The following BICD2 variants were observed in gnomAD, a reference collection of about 807,000 sequenced individuals.
The protein encoded by BICD2 is protein bicaudal D homolog 2.
A neutral mutation model predicts 72.9 loss-of-function variants in BICD2; 25 were observed. The ratio of observed to expected loss-of-function variants is 0.34; its 90% CI spans 0.25 to 0.48. The LOEUF is 0.48. Among genes scored for constraint, BICD2 ranks in the 20% least tolerant of loss-of-function variants. The probability of loss-of-function intolerance (pLI) is 0.99; values close to 1 mark genes in which losing one functional copy is unlikely to be tolerated. For synonymous variants in BICD2, 501 were observed against 516.1 expected, an observed-to-expected ratio of 0.97 and a Z score of 0.40; for missense variants, 894 against 1,175.2, an observed-to-expected ratio of 0.76 and a Z score of 3.50.
Position 92,740,872 on chromosome 9 carries a change from A to G in BICD2, c.241-11636T>C, listed in dbSNP as rs1048757486. 7.9e-5 allele frequency among the ~76,000 whole-genome samples: 12 copies of G among 152,284 alleles called. No homozygotes were observed. In the South Asian group the frequency reaches 2.5e-3, roughly 32 times the overall value. The stretch of plus-strand genomic sequence containing the variant: ...GTTCCACCCCACAGCCATTGGCAAG[A>G]TGGGCATCGGCACCAGCAGGCCTGC... On this transcript the variant is annotated intron_variant, in intron 1 of 6. Transcript: ENST00000356884.
rs1486448941 is a variant in BICD2, at chr9:92,720,240, C to T, written c.1062+60G>A. 8.7e-6 allele frequency: 13 copies of T among 1,500,288 alleles called. No individual in the cohort carries two copies. Among genetic ancestry groups the T allele is most frequent in the South Asian group, 2.6e-5 (2 of 78,116 alleles). The allele number at this position is 1,500,288 out of a possible 1,614,324, so 92.9% of individuals were successfully genotyped here. On this transcript the variant is annotated intron_variant, in intron 4 of 6. Transcript: ENST00000356884. This position sits in a 1 kb window ranked among gnomAD's most constrained non-coding sequence, Gnocchi z 5.4. ...AGCAGAGTGTCAGGTAAGCACTGCTCGGGGAGCCCTGCAGACCTGGAGTGG... is the reference window on the plus strand; with the variant it reads ...AGCAGAGTGTCAGGTAAGCACTGCTTGGGGAGCCCTGCAGACCTGGAGTGG...
Position 92,720,839 on chromosome 9 carries a change from C to T in BICD2, c.607-84G>A, listed in dbSNP as rs560982256. 56 of 1,396,846 alleles carry T rather than the reference C, an allele frequency of 4.0e-5. No individual in the cohort carries two copies. The African/African-American group carries it at 7.1e-4, about 18-fold the overall frequency. 86.5% of individuals were successfully genotyped at this position (1,396,846 alleles called of 1,614,324 possible). Reference sequence around the variant, plus strand: ...CATAAATGAAGAAAACACACCAGCACACCAACTCCGGCCACTATGAAGCAA... The same window carrying T: ...CATAAATGAAGAAAACACACCAGCATACCAACTCCGGCCACTATGAAGCAA... On this transcript the variant is annotated intron_variant, in intron 3 of 6. Transcript: ENST00000356884. This position sits in a 1 kb window ranked among gnomAD's most constrained non-coding sequence, Gnocchi z 5.4.
chr9:92,742,045 CTAA>C (rs758170555), intron 1 of BICD2, among the ~76,000 whole-genome samples: 105 of 152,142 alleles, frequency 6.9e-4, no homozygotes, highest in Non-Finnish European at 1.3e-3. Flanking sequence ...TATAAAAATA[CTAA>C]TGAGAAAATT....
intron 1 of BICD2, among the ~76,000 whole-genome samples, chr9:92,763,252 G>T (rs540794241): frequency 6.6e-6 from 1 of 152,284 alleles, no homozygotes; most frequent in African/African-American, 2.4e-5. Context: ...CAGACACGGG[G>T]GAGGCAAGGA....
chr9:92,727,721 G>A (rs138034412), intron 2 of BICD2, among the ~76,000 whole-genome samples: 15 of 152,186 alleles, frequency 9.9e-5, no homozygotes, highest in African/African-American at 3.1e-4. Context: ...CAAGACAGTC[G>A]TCTCAGCCTC....
chr9:92,733,783 C>A (rs1050287528), intron 1 of BICD2, among the ~76,000 whole-genome samples: 1 of 151,616 alleles, frequency 6.6e-6, no homozygotes, highest in Non-Finnish European at 1.5e-5. Flanking sequence ...CTGGCTAACA[C>A]AGTGAAACCC....
In BICD2 at chr9:92,715,309, G is replaced by A; in HGVS notation, c.2413C>T (p.Gln805Ter). 3 of 1,612,890 alleles carry A rather than the reference G, an allele frequency of 1.9e-6. No homozygotes were observed. The highest frequency in any genetic ancestry group is 2.5e-6 in the Non-Finnish European group (3 of 1,179,854). ...GCTTTGGCACGGCCACGCCGGGTCTGCTCATGGTCCAGCTCGAGCAGCTCC... is the reference window on the plus strand; with the variant it reads ...GCTTTGGCACGGCCACGCCGGGTCTACTCATGGTCCAGCTCGAGCAGCTCC... ...RLELLELDHE[Q>*]TRRGRAKAAP... The change falls in exon 7 of 7, where the codon CAG becomes TAG. Residue 805 changes from glutamine to a stop codon, truncating the protein, a stop_gained. Transcript: ENST00000356884. LOFTEE classifies it high-confidence loss of function.
chr9:92,754,274 G>A (rs1195073229), intron 1 of BICD2, among the ~76,000 whole-genome samples: 1 of 152,194 alleles, frequency 6.6e-6, no homozygotes, highest in Non-Finnish European at 1.5e-5. Flanking sequence ...GTAGAAGGTG[G>A]GTGTTCTGAA....
Position 92,764,725 on chromosome 9 carries a change from T to G in BICD2, c.20A>C (p.Glu7Ala). 3 of 1,574,478 alleles carry G rather than the reference T, an allele frequency of 1.9e-6. No individual in the cohort carries two copies. The highest frequency in any genetic ancestry group is 2.6e-6 in the Non-Finnish European group (3 of 1,168,784). Reference sequence around the variant, plus strand: ...CATCACCAGCCGCGCGTACTCCTCCTCCTCCGACGGCGCCGACATGGTGGC... The same window carrying G: ...CATCACCAGCCGCGCGTACTCCTCCGCCTCCGACGGCGCCGACATGGTGGC... MSAPSEEEEYARLVMEA... is the reference protein window; with the variant it reads MSAPSEAEEYARLVMEA... Residue 7 changes from glutamate (E) to alanine (A), a missense_variant, in exon 1 of 7, where the codon GAG (glutamate) becomes GCG (alanine). Glu to Ala is a moderately radical substitution (Grantham distance 107). This residue lies in a region of BICD2 where 192 missense variants were observed against 243.6 expected (regional missense o/e 0.79). Coordinates refer to ENST00000356884, the MANE Select transcript of BICD2 (RefSeq NM_001003800.2). This position sits in a 1 kb window ranked among gnomAD's most constrained non-coding sequence, Gnocchi z 5.5.
In BICD2 at chr9:92,764,375, C is replaced by T; in HGVS notation, c.240+130G>A. ...CCACTCCCACATACTGCCCGTGCCC[C>T]CTCCGCCCCGGCGGCCCACCCCTGC... On this transcript the variant is annotated intron_variant, in intron 1 of 6. Coordinates refer to ENST00000356884, the MANE Select transcript of BICD2 (RefSeq NM_001003800.2). The surrounding 1 kb of genome is among the most constrained non-coding windows in gnomAD (Gnocchi z 5.5). 1.6e-6 allele frequency: 2 copies of T among 1,283,860 alleles called. No individual in the cohort carries two copies. The highest frequency in any genetic ancestry group is 2.0e-6 in the Non-Finnish European group (2 of 996,960). The allele number at this position is 1,283,860 out of a possible 1,614,324, so 79.5% of individuals were successfully genotyped here. A position where few individuals can be genotyped will look rare whatever the true frequency, so the allele number is the denominator to read the frequency against.
At chr9:92,740,728 T>C (rs1404217830) in intron 1 of BICD2, among the ~76,000 whole-genome samples, 1 of 152,114 alleles carries the variant, frequency 6.6e-6, no homozygotes, top group Non-Finnish European at 1.5e-5. Flanking sequence ...AACCAGCTAA[T>C]GACTGTATTC....
rs908773556 is a variant in BICD2 at position 92,719,063 on chromosome 9, C to T, written c.1582G>A (p.Val528Met). Residue 528 changes from valine (V) to methionine (M), a missense_variant, in exon 5 of 7, where the codon GTG becomes ATG. Physicochemically the swap from Val to Met is conservative, Grantham distance 21. This residue lies in a region of BICD2 where 371 missense variants were observed against 439.1 expected (regional missense o/e 0.84). Coordinates refer to ENST00000356884, the MANE Select transcript of BICD2 (RefSeq NM_001003800.2). The part of the protein sequence containing the change: ...GSLSVAQDEL[V>M]TFSEELANLY... ...TTGGCCAGCTCCTCACTGAAGGTCA[C>T]CAGCTCATCCTGGGCCACACTCAGG... 3.1e-6 allele frequency: 5 copies of T among 1,612,986 alleles called. No individual in the cohort carries two copies. Among genetic ancestry groups the T allele is most frequent in the Non-Finnish European group, 4.2e-6 (5 of 1,179,994 alleles).
At chr9:92,734,202 T>C (rs1394153574) in intron 1 of BICD2, among the ~76,000 whole-genome samples, 1 of 152,164 alleles carries the variant, frequency 6.6e-6, no homozygotes, top group Non-Finnish European at 1.5e-5. Context: ...GAAGTTAATC[T>C]ATGCTGTTAG....
Position 92,713,836 on chromosome 9 carries a change from CGCAGG to C in BICD2, c.*1313_*1317del, listed in dbSNP as rs760290825. On this transcript the variant is annotated 3_prime_UTR_variant, in exon 7 of 7. Coordinates refer to ENST00000356884, the MANE Select transcript of BICD2 (RefSeq NM_001003800.2). ...ATACTCGGCACCAAAGGGAAGAACG[CGCAGG>C]GCAGAGAGCTGTGGGAGGGGGCAAC... 1.2e-5 allele frequency: 13 copies of C among 1,082,628 alleles called. No homozygotes were observed. The highest frequency in any genetic ancestry group is 1.5e-5 in the Non-Finnish European group (13 of 886,470). 67.1% of individuals were successfully genotyped at this position (1,082,628 alleles called of 1,614,324 possible). A position where few individuals can be genotyped will look rare whatever the true frequency, so the allele number is the denominator to read the frequency against.
chr9:92,723,925 A>G (rs916407846), intron 2 of BICD2, among the ~76,000 whole-genome samples: 2 of 152,156 alleles, frequency 1.3e-5, no homozygotes, highest in African/African-American at 4.8e-5. Context: ...CCTGTACATC[A>G]TATGTCTAGC....
Position 92,754,967 on chromosome 9 carries a change from G to A in BICD2, c.240+9538C>T, listed in dbSNP as rs374587252. Among the ~76,000 whole-genome samples the A allele has an allele frequency of 4.6e-5, 7 of 152,352 alleles. No homozygotes were observed. The South Asian group carries it at 1.4e-3, about 32-fold the overall frequency. On this transcript the variant is annotated intron_variant, in intron 1 of 6. Coordinates refer to ENST00000356884, the MANE Select transcript of BICD2 (RefSeq NM_001003800.2). ...ATAACAGCAATTGTTCAGGGAACAA[G>A]AGAGATAACCTTAAACTCTGACCAC...
At chr9:92,745,077 C>A (rs1193144798) in intron 1 of BICD2, among the ~76,000 whole-genome samples, 3 of 152,076 alleles carry the variant, frequency 2.0e-5, no homozygotes, top group African/African-American at 7.2e-5. Context: ...CATAAATGAA[C>A]TTCAGCAAAA....
chr9:92,718,826 G>A lies in BICD2; in HGVS notation c.1819C>T (p.Pro607Ser). The change falls in exon 5 of 7, where the codon CCC becomes TCC. Residue 607 changes from proline to serine, a missense_variant. By Grantham distance (74) the Pro-to-Ser change is moderately conservative (BLOSUM62 -1). Around this residue, in one of 5 missense-constraint regions of BICD2, gnomAD observed 321 missense variants for 443.9 expected, o/e 0.72. Transcript: ENST00000356884. The stretch of plus-strand genomic sequence containing the variant: ...GATGGCAGTGAGGAGCCAGGCGAGG[G>A]GCTGCTGTCCCCCGTCCCACCATCT... ...RADGGTGDSS[P>S]SPGSSLPSPL... The A allele has an allele frequency of 6.2e-7, 1 of 1,611,920 alleles. No individual in the cohort carries two copies. The highest frequency in any genetic ancestry group is 8.5e-7 in the Non-Finnish European group (1 of 1,179,398).
intron 1 of BICD2, among the ~76,000 whole-genome samples, chr9:92,763,615 A>T (rs1185058835): frequency 6.6e-6 from 1 of 152,192 alleles, no homozygotes; most frequent in Non-Finnish European, 1.5e-5. Flanking sequence ...GAGTCAGGGA[A>T]CGGGAGAAGA....
Sources: allele counts gnomAD v4.1 joint callset (sites outside exome capture counted in the v4.1 genomes callset), GRCh38; gene constraint gnomAD v4.1.1; regional missense constraint gnomAD v4.1.1; non-coding constraint Gnocchi (gnomAD v3.1); transcripts MANE v1.5; gene names NCBI Gene and HGNC (gene_info 2026-07-23, HGNC 2026-07-21).